FARP1: variants seen among roughly 807,000 people sequenced by gnomAD.
The protein encoded by FARP1 is FERM, ARH/RhoGEF and pleckstrin domain protein 1.
FARP1 carries 52 observed loss-of-function variants against 128.8 expected under a neutral mutation model. That is an observed-to-expected ratio of 0.40 (90% confidence interval 0.32 to 0.51). The LOEUF (loss-of-function observed/expected upper bound fraction) is 0.51, where lower values mean the gene tolerates loss of function less well. Ranked by LOEUF, FARP1 falls within the 20% of genes least tolerant of loss-of-function variation. FARP1 has a pLI of 0.45. For missense variants in FARP1, 1,333 were observed against 1,367.9 expected (o/e 0.97, Z 0.40); for synonymous variants, 580 against 551.8 (o/e 1.05, Z -0.72).
intron 3 of FARP1, among the ~76,000 whole-genome samples, chr13:98,359,593 A>G (rs911071613): frequency 3.9e-5 from 6 of 152,204 alleles, no homozygotes; most frequent in African/African-American, 1.4e-4. Context: ...TGGATGACAG[A>G]CTGCGTGTAC....
chr13:98,392,357 G>C (rs1243303706), intron 11 of FARP1, among the ~76,000 whole-genome samples: 5 of 148,464 alleles, frequency 3.4e-5, no homozygotes, highest in Non-Finnish European at 7.4e-5. Context: ...AAAATTAGCT[G>C]GATGTGGTGG....
intron 1 of FARP1, among the ~76,000 whole-genome samples, chr13:98,150,592 T>G (rs1052099911): frequency 7.9e-5 from 12 of 152,340 alleles, no homozygotes; most frequent in African/African-American, 2.4e-4. Flanking sequence ...GTTATTGAAC[T>G]TATTTAACGT....
At chr13:98,333,836 G>A (rs909943654) in intron 2 of FARP1, 5 of 152,034 alleles carry the variant, frequency 3.3e-5, no homozygotes, top group Non-Finnish European at 7.3e-5. Flanking sequence ...CCCAGGGTTT[G>A]GATTTAAAGT....
intron 23 of FARP1, 106 bp from the exon 24 acceptor site, chr13:98,440,564 G>T: frequency 8.3e-7 from 1 of 1,207,684 alleles, no homozygotes; most frequent in Non-Finnish European, 1.2e-6. Flanking sequence ...GGGCACCACA[G>T]GTTGTGACTG....
intron 1 of FARP1, among the ~76,000 whole-genome samples, chr13:98,186,991 CAAAAAAAAAAAA>C (rs33992037): frequency 3.2e-3 from 152 of 47,824 alleles, no homozygotes; most frequent in African/African-American, 0.01. Flanking sequence ...GATTCTGTCT[CAAAAAAAAAAAA>C]AAAAAAAAAA....
At chr13:98,308,412 C>T (rs1216055242) in intron 2 of FARP1, among the ~76,000 whole-genome samples, 3 of 151,920 alleles carry the variant, frequency 2.0e-5, no homozygotes, top group African/African-American at 7.3e-5. Context: ...GTGGTACCCC[C>T]TTAGGTGGTG....
chr13:98,280,303 C>T (rs574655887), intron 2 of FARP1, among the ~76,000 whole-genome samples: 2 of 152,332 alleles, frequency 1.3e-5, no homozygotes, highest in East Asian at 3.9e-4. Context: ...GCTGGTTTTC[C>T]AGCCCAGCCC....
chr13:98,186,087 G>A lies in FARP1; in HGVS notation c.-23-27133G>A, dbSNP rs143615391. 2.5e-3 allele frequency among the ~76,000 whole-genome samples: 376 copies of A among 152,136 alleles called. 2 individuals are homozygous for A. Among genetic ancestry groups the A allele is most frequent in the African/African-American group, 8.7e-3 (362 of 41,528 alleles). On this transcript the variant is annotated intron_variant, in intron 1 of 26. Transcript: ENST00000319562. Reference sequence around the variant, plus strand: ...GTGCCACCATCACCATCATCTATCTGCAGAACGTTTTCTTTTTCTTTTCTT... The same window carrying A: ...GTGCCACCATCACCATCATCTATCTACAGAACGTTTTCTTTTTCTTTTCTT...
chr13:98,362,747 C>T (rs1342368421), intron 3 of FARP1, among the ~76,000 whole-genome samples: 1 of 152,172 alleles, frequency 6.6e-6, no homozygotes, highest in East Asian at 1.9e-4. Context: ...TCCAAGGACA[C>T]CTCAGAAAAT....
intron 3 of FARP1, among the ~76,000 whole-genome samples, chr13:98,344,483 A>G (rs1888096812): frequency 6.6e-6 from 1 of 152,120 alleles, no homozygotes; most frequent in Non-Finnish European, 1.5e-5. Context: ...GTCCCATTCC[A>G]GCTTGAGGAG....
chr13:98,344,522 A>G (rs1245142409), intron 3 of FARP1, among the ~76,000 whole-genome samples: 3 of 152,106 alleles, frequency 2.0e-5, no homozygotes, highest in Non-Finnish European at 4.4e-5. Context: ...TTCAGTGGAG[A>G]CATCCAGCAG....
chr13:98,297,852 A>G (rs1304332381), intron 2 of FARP1, among the ~76,000 whole-genome samples: 3 of 152,196 alleles, frequency 2.0e-5, no homozygotes, highest in African/African-American at 7.2e-5. Flanking sequence ...TGTATCTAAG[A>G]ATTAAAGATA....
At chr13:98,277,162 T>C (rs1179788217) in intron 2 of FARP1, among the ~76,000 whole-genome samples, 1 of 34,092 alleles carries the variant, frequency 2.9e-5, no homozygotes, top group East Asian at 1.7e-3. Flanking sequence ...CATATGTATA[T>C]ATTAGAAGCA....
rs59132299 is a variant in FARP1 at position 98,268,778 on chromosome 13, T to TTGTGTGTGTGTGTG, written c.171+55393_171+55406dup. The stretch of plus-strand genomic sequence containing the variant: ...CTACTGCATCTGGCCTTTCCCTTCT[T>TTGTGTGTGTGTGTG]TGTGTGTGTGTGTGTGTGTGTGTGT... On this transcript the variant is annotated intron_variant, in intron 2 of 26. Transcript: ENST00000319562. 1.8e-3 allele frequency among the ~76,000 whole-genome samples: 263 copies of TTGTGTGTGTGTGTG among 148,276 alleles called. 1 individual carries two copies. Among genetic ancestry groups the TTGTGTGTGTGTGTG allele is most frequent in the African/African-American group, 5.9e-3 (237 of 40,296 alleles).
At chr13:98,207,620 G>C (rs955307012) in intron 1 of FARP1, among the ~76,000 whole-genome samples, 3 of 150,820 alleles carry the variant, frequency 2.0e-5, no homozygotes, top group Non-Finnish European at 4.4e-5. Context: ...CTATAGCCCA[G>C]TGTGAATTAC....
At chr13:98,263,255 G>A (rs751558263) in intron 2 of FARP1, among the ~76,000 whole-genome samples, 1 of 151,998 alleles carries the variant, frequency 6.6e-6, no homozygotes, top group Non-Finnish European at 1.5e-5. Context: ...TTATCTGCCC[G>A]GCTCGGCCTC....
intron 6 of FARP1, among the ~76,000 whole-genome samples, chr13:98,379,029 T>TA: frequency 1.1e-5 from 1 of 88,940 alleles, no homozygotes; most frequent in African/African-American, 6.6e-5. Context: ...ATATAATATA[T>TA]ATAATATATA....
intron 2 of FARP1, among the ~76,000 whole-genome samples, chr13:98,248,676 A>G (rs1883182880): frequency 6.6e-6 from 1 of 152,120 alleles, no homozygotes; most frequent in Admixed American, 6.6e-5. Context: ...CCAGGATTAC[A>G]GAAAAATGTG....
chr13:98,193,966 T>G (rs1356016533), intron 1 of FARP1, among the ~76,000 whole-genome samples: 1 of 152,216 alleles, frequency 6.6e-6, no homozygotes, highest in Non-Finnish European at 1.5e-5. Flanking sequence ...AATAGATTCT[T>G]TAGTTCATTG....
Sources: gnomAD v4.1 joint callset for allele counts (sites outside exome capture counted in the v4.1 genomes callset) on GRCh38, gnomAD v4.1.1 for gene constraint, MANE v1.5 for transcripts, NCBI Gene and HGNC (gene_info 2026-07-23, HGNC 2026-07-21) for gene names.